KCNH8: variants seen among roughly 807,000 people sequenced by gnomAD.
KCNH8 encodes the protein potassium voltage-gated channel subfamily H member 8, also known as voltage-gated delayed rectifier potassium channel KCNH8.
KCNH8 carries 70 observed loss-of-function variants against 103.6 expected under a neutral mutation model. The observed-to-expected ratio is 0.68, with a 90% confidence interval of 0.56 to 0.82. KCNH8 has a LOEUF of 0.82. KCNH8 is among the 40% of genes least tolerant of loss of function. KCNH8 has a pLI of 0.00. For synonymous variants in KCNH8, 498 were observed against 489.4 expected (o/e 1.02, Z -0.23); for missense variants, 1,217 against 1,329.9 (o/e 0.92, Z 1.32).
chr3:19,347,885 G>A lies in KCNH8; in HGVS notation c.731G>A (p.Cys244Tyr). 1 of 1,613,368 alleles carries A rather than the reference G, an allele frequency of 6.2e-7. No homozygotes were observed. Among genetic ancestry groups the A allele is most frequent in the Non-Finnish European group, 8.5e-7 (1 of 1,179,496 alleles). ...YVAVTVPYNV[C>Y]FIGNDDLSTT... is the part of the protein sequence containing the mutation. ...GCTGTGACTGTACCTTACAACGTTT[G>A]CTTTATTGGCAATGACGACCTGTCC... The change falls in exon 5 of 16, where the codon TGC becomes TAC. Residue 244 changes from cysteine to tyrosine, a missense_variant. Cys to Tyr is a radical substitution (Grantham distance 194, BLOSUM62 -2). This residue lies in a region of KCNH8 where 415 missense variants were observed against 577.4 expected (regional missense o/e 0.72). Transcript: ENST00000328405.
At chr3:19,171,844 C>T (rs190124054) in intron 1 of KCNH8, among the ~76,000 whole-genome samples, 2 of 152,204 alleles carry the variant, frequency 1.3e-5, no homozygotes, top group Admixed American at 6.5e-5. Context: ...TGCAATTTTA[C>T]TATGTTGGTG....
chr3:19,450,341 A>G, intron 9 of KCNH8, 36 bp downstream of exon 9: 1 of 1,535,742 alleles, frequency 6.5e-7, no homozygotes, highest in Non-Finnish European at 9.0e-7. Context: ...TCAGGCAGAA[A>G]GCACATATTC....
intron 5 of KCNH8, among the ~76,000 whole-genome samples, chr3:19,364,169 C>T (rs934738975): frequency 6.6e-6 from 1 of 152,074 alleles, no homozygotes; most frequent in African/African-American, 2.4e-5. Flanking sequence ...TCCTAGTACA[C>T]CTTTTAGATA....
chr3:19,269,971 A>G (rs752710367), intron 2 of KCNH8, among the ~76,000 whole-genome samples: 23 of 152,138 alleles, frequency 1.5e-4, no homozygotes, highest in Non-Finnish European at 2.4e-4. Context: ...AACTGTCTAT[A>G]TGATTTTTAC....
chr3:19,453,186 C>G (rs926122324), intron 10 of KCNH8, among the ~76,000 whole-genome samples: 2 of 151,940 alleles, frequency 1.3e-5, no homozygotes, highest in African/African-American at 4.8e-5. Context: ...ATAATAGACA[C>G]GGGAGACCAG....
At chr3:19,179,531 G>A (rs1187786176) in intron 1 of KCNH8, among the ~76,000 whole-genome samples, 1 of 152,058 alleles carries the variant, frequency 6.6e-6, no homozygotes, top group East Asian at 1.9e-4. Context: ...GAAAGATTTG[G>A]TAGTATTTCA....
intron 15 of KCNH8, among the ~76,000 whole-genome samples, chr3:19,527,781 T>C (rs1266252241): frequency 1.3e-5 from 2 of 152,088 alleles, no homozygotes; most frequent in Non-Finnish European, 2.9e-5. Context: ...CAGGGGATGT[T>C]GTTTAACAAG....
At chr3:19,175,953 T>A (rs2063395809) in intron 1 of KCNH8, among the ~76,000 whole-genome samples, 1 of 152,198 alleles carries the variant, frequency 6.6e-6, no homozygotes, top group Non-Finnish European at 1.5e-5. Flanking sequence ...AATTAATAAA[T>A]TTCCAGCAGC....
chr3:19,368,963 T>C (rs2066050017), intron 5 of KCNH8, among the ~76,000 whole-genome samples: 1 of 152,054 alleles, frequency 6.6e-6, no homozygotes, highest in African/African-American at 2.4e-5. Context: ...TCCCTTCTGG[T>C]TTTTCTATCT....
Position 19,248,064 on chromosome 3 carries a change from A to G in KCNH8, c.77-5590A>G, listed in dbSNP as rs140597882. On this transcript the variant is annotated intron_variant, in intron 1 of 15. Transcript: ENST00000328405. The stretch of plus-strand genomic sequence containing the variant: ...ATTAAAAGTTTTACAGGCCCATATC[A>G]AAACAAAATAACACTACAACAAGCA... Among the ~76,000 whole-genome samples the G allele has an allele frequency of 5.9e-5, 9 of 152,318 alleles. No individual in the cohort carries two copies. The East Asian group carries it at 1.5e-3, about 26-fold the overall frequency.
At chr3:19,234,290 C>T (rs2064032902) in intron 1 of KCNH8, among the ~76,000 whole-genome samples, 1 of 152,188 alleles carries the variant, frequency 6.6e-6, no homozygotes, top group African/African-American at 2.4e-5. Flanking sequence ...GCCGGCACTC[C>T]TCAGGCCTTG....
At chr3:19,318,662 T>TGTGTGTACACACAC (rs1491117852) in intron 3 of KCNH8, among the ~76,000 whole-genome samples, 2 of 142,562 alleles carry the variant, frequency 1.4e-5, no homozygotes, top group African/African-American at 5.2e-5. Context: ...TGTGTGTGTG[T>TGTGTGTACACACAC]ACACACACAC....
chr3:19,162,728 C>T (rs2063246314), intron 1 of KCNH8, among the ~76,000 whole-genome samples: 1 of 151,954 alleles, frequency 6.6e-6, no homozygotes, highest in Admixed American at 6.6e-5. Flanking sequence ...TCTGGAACAA[C>T]ATTACAAAGA....
chr3:19,400,231 CAAAA>C (rs11422314), intron 7 of KCNH8, among the ~76,000 whole-genome samples: 5 of 53,106 alleles, frequency 9.4e-5, no homozygotes, highest in Non-Finnish European at 1.7e-4. Context: ...TGTTAGCCAG[CAAAA>C]AAAAAAAAAA....
intron 11 of KCNH8, 134 bp downstream of exon 11, chr3:19,457,116 A>G (rs2067545266): frequency 3.6e-6 from 2 of 562,200 alleles, no homozygotes; most frequent in Non-Finnish European, 3.1e-6. Flanking sequence ...TTCAGCCACC[A>G]GTTAAGCAAT....
Position 19,304,262 on chromosome 3 carries a change from G to A in KCNH8, c.442+22933G>A, listed in dbSNP as rs114229319. Among the ~76,000 whole-genome samples, 100 of 152,168 alleles carry A rather than the reference G, an allele frequency of 6.6e-4. 1 individual carries two copies. The highest frequency in any genetic ancestry group is 1.3e-3 in the Non-Finnish European group (90 of 68,008). ...CTCTATAGCAAAGAACAAATACGAC[G>A]CATTCCACACATGTGCTCAGACTTT... On this transcript the variant is annotated intron_variant, in intron 3 of 15. Transcript: ENST00000328405.
intron 5 of KCNH8, among the ~76,000 whole-genome samples, chr3:19,352,429 C>T (rs2065816379): frequency 6.6e-6 from 1 of 152,182 alleles, no homozygotes; most frequent in African/African-American, 2.4e-5. Flanking sequence ...ACAGAATATA[C>T]ATTCTTCTCA....
chr3:19,407,536 G>T (rs1290995511), intron 7 of KCNH8, among the ~76,000 whole-genome samples: 2 of 151,914 alleles, frequency 1.3e-5, no homozygotes, highest in Middle Eastern at 3.2e-3. Context: ...AGATCTTGAG[G>T]TGATCCTTTC....
chr3:19,449,074 G>T (rs1401942011), intron 8 of KCNH8: 28 of 676,602 alleles, frequency 4.1e-5, no homozygotes, highest in Non-Finnish European at 5.2e-5. Context: ...TCCCAAAGTG[G>T]GTAATTCCTG....
Sources: allele counts gnomAD v4.1 joint callset (sites outside exome capture counted in the v4.1 genomes callset), GRCh38; gene constraint gnomAD v4.1.1; regional missense constraint gnomAD v4.1.1; transcripts MANE v1.5; gene names NCBI Gene and HGNC (gene_info 2026-07-23, HGNC 2026-07-21).